Variants in CTNNBIP1 observed in about 807,000 individuals in gnomAD.
The protein encoded by CTNNBIP1 is beta-catenin-interacting protein 1.
In CTNNBIP1, 7 loss-of-function variants were observed where a neutral mutation model predicts 11.8. The ratio of observed to expected loss-of-function variants is 0.60; its 90% CI spans 0.34 to 1.12. CTNNBIP1 has a LOEUF of 1.12. Ranked by LOEUF, CTNNBIP1 falls within the 50% of genes most tolerant of loss-of-function variation. The pLI, the probability that CTNNBIP1 is intolerant of heterozygous loss-of-function variation, is 0.03. For synonymous variants in CTNNBIP1, 58 were observed against 43.9 expected, an observed-to-expected ratio of 1.32 and a Z score of -1.26; for missense variants, 101 against 113.4, an observed-to-expected ratio of 0.89 and a Z score of 0.50.
chr1:9,890,830 G>A (rs180705577), intron 1 of CTNNBIP1, among the ~76,000 whole-genome samples: 1 of 152,004 alleles, frequency 6.6e-6, no homozygotes, highest in Non-Finnish European at 1.5e-5. Context: ...ACACCAGAGA[G>A]ATCCCCAGCA....
chr1:9,905,725 C>T (rs368034514), intron 1 of CTNNBIP1, among the ~76,000 whole-genome samples: 3 of 152,042 alleles, frequency 2.0e-5, no homozygotes, highest in East Asian at 3.9e-4. Flanking sequence ...CCACCGCGCC[C>T]GGCCTCACCA....
intron 1 of CTNNBIP1, among the ~76,000 whole-genome samples, chr1:9,897,488 C>CA (rs1159909801): frequency 5.5e-5 from 8 of 145,202 alleles, no homozygotes; most frequent in African/African-American, 1.0e-4. Flanking sequence ...CAAAACAAAA[C>CA]AAAAAAAATG....
intron 5 of CTNNBIP1, among the ~76,000 whole-genome samples, chr1:9,853,609 C>G (rs1638437240): frequency 6.6e-6 from 1 of 152,240 alleles, no homozygotes; most frequent in Non-Finnish European, 1.5e-5. Context: ...GGCCAGCCCA[C>G]TGCCTCCAGG....
chr1:9,858,892 C>T (rs993595916), intron 5 of CTNNBIP1, among the ~76,000 whole-genome samples: 6 of 152,192 alleles, frequency 3.9e-5, no homozygotes, highest in African/African-American at 1.4e-4. Context: ...CCCATGCCTT[C>T]ACCCTAGAAG....
chr1:9,889,282 G>A (rs1420154023), intron 1 of CTNNBIP1, among the ~76,000 whole-genome samples: 1 of 152,242 alleles, frequency 6.6e-6, no homozygotes, highest in African/African-American at 2.4e-5. Flanking sequence ...CTCAATGGGG[G>A]CGATTCTGCC....
At chr1:9,893,949 G>A (rs1639358026) in intron 1 of CTNNBIP1, among the ~76,000 whole-genome samples, 1 of 152,184 alleles carries the variant, frequency 6.6e-6, no homozygotes, top group Non-Finnish European at 1.5e-5. Context: ...TGTACATGCT[G>A]TAAAAGGACA....
intron 5 of CTNNBIP1, among the ~76,000 whole-genome samples, chr1:9,852,984 G>A (rs57237552): frequency 0.069 from 10,486 of 152,230 alleles, 1,232 homozygotes; most frequent in African/African-American, 0.24. Flanking sequence ...CGCTCTGAGG[G>A]TGGGAAGGAA....
intron 1 of CTNNBIP1, among the ~76,000 whole-genome samples, chr1:9,905,206 C>T (rs1639593744): frequency 1.3e-5 from 2 of 152,178 alleles, no homozygotes. Flanking sequence ...CTAACCACAG[C>T]CACAAATTTG....
intron 5 of CTNNBIP1, among the ~76,000 whole-genome samples, chr1:9,863,258 A>G (rs1022305968): frequency 3.9e-5 from 6 of 152,152 alleles, no homozygotes; most frequent in Non-Finnish European, 8.8e-5. Context: ...TTTCTGTTCA[A>G]TTCAATATAT....
rs570499497 is a variant in CTNNBIP1 at position 9,868,848 on chromosome 1, C to T, written c.187+2339G>A. Among the ~76,000 whole-genome samples, 5 of 152,352 alleles carry T rather than the reference C, an allele frequency of 3.3e-5. No homozygotes were observed. The East Asian group carries it at 9.6e-4, about 29-fold the overall frequency. On this transcript the variant is annotated intron_variant, in intron 5 of 5. Transcript: ENST00000377263. ...ACAGGATGTTGCCATGTTGGCCAGG[C>T]TGGTCTTGAACTCCTGGCCTCAGGT... is the stretch of plus-strand genomic sequence containing the variant.
chr1:9,869,693 A>T (rs1434794024), intron 5 of CTNNBIP1, among the ~76,000 whole-genome samples: 2 of 152,160 alleles, frequency 1.3e-5, no homozygotes, highest in Admixed American at 6.5e-5. Context: ...TTTTCCCAAG[A>T]GTATTCAACT....
rs989277191 is a variant in CTNNBIP1, at chr1:9,883,434, T to G, written c.-110+271A>C. ...GAGCAGGGCAGGGGAGAGGTCCACC[T>G]GCCCCATCCCATGTCTACTCAGGCC... is the stretch of plus-strand genomic sequence containing the variant. On this transcript the variant is annotated intron_variant, in intron 2 of 5. Coordinates refer to ENST00000377263, the MANE Select transcript of CTNNBIP1 (RefSeq NM_020248.3). The surrounding 1 kb of genome is among the most constrained non-coding windows in gnomAD (Gnocchi z 5.6). Among the ~76,000 whole-genome samples, 1 of 152,122 alleles carries G rather than the reference T, an allele frequency of 6.6e-6. No homozygotes were observed. The highest frequency in any genetic ancestry group is 1.5e-5 in the Non-Finnish European group (1 of 68,006).
intron 5 of CTNNBIP1, among the ~76,000 whole-genome samples, chr1:9,852,620 C>T (rs998261381): frequency 9.9e-5 from 15 of 152,218 alleles, no homozygotes; most frequent in African/African-American, 3.1e-4. Context: ...ATCCCCTGCA[C>T]GGCAGCTGAG....
chr1:9,894,905 A>ATTTTT (rs1175181254), intron 1 of CTNNBIP1, among the ~76,000 whole-genome samples: 3,089 of 102,134 alleles, frequency 0.03, 419 homozygotes, highest in African/African-American at 0.12. Context: ...ATGCCTGGCT[A>ATTTTT]TTTTTTTTTT....
rs1266918922 is a variant in CTNNBIP1, at chr1:9,876,912, G to A, written c.-25+993C>T. Among the ~76,000 whole-genome samples the A allele has an allele frequency of 2.0e-5, 3 of 149,914 alleles. No individual in the cohort carries two copies. The South Asian group carries it at 6.3e-4, about 32-fold the overall frequency. ...CACAGTTCAGAGCTGCCTCTCTGTT[G>A]AAGGAAGCTTGGCTGGTCAGGAAAG... On this transcript the variant is annotated intron_variant, in intron 3 of 5. Coordinates refer to ENST00000377263, the MANE Select transcript of CTNNBIP1 (RefSeq NM_020248.3).
intron 3 of CTNNBIP1, among the ~76,000 whole-genome samples, chr1:9,875,133 C>T (rs1260161122): frequency 6.6e-6 from 1 of 152,218 alleles, no homozygotes; most frequent in Non-Finnish European, 1.5e-5. Context: ...CCGGTTCGAG[C>T]CGACCAGTCC....
chr1:9,894,896 T>G (rs535255348), intron 1 of CTNNBIP1, among the ~76,000 whole-genome samples: 3 of 144,934 alleles, frequency 2.1e-5, no homozygotes, highest in African/African-American at 5.3e-5. Context: ...GTGACTGCCA[T>G]GCCTGGCTAT....
intron 1 of CTNNBIP1, among the ~76,000 whole-genome samples, chr1:9,903,321 C>T (rs1557768472): frequency 2.0e-5 from 3 of 152,228 alleles, no homozygotes; most frequent in African/African-American, 7.2e-5. Flanking sequence ...ATTGGGGGTC[C>T]TCAATCATGT....
At chr1:9,886,737 C>T (rs578044468) in intron 1 of CTNNBIP1, among the ~76,000 whole-genome samples, 104 of 152,220 alleles carry the variant, frequency 6.8e-4, no homozygotes, top group African/African-American at 2.4e-3. Flanking sequence ...TCTGAGCCAG[C>T]GAGGGGGACG....
Sources: gnomAD v4.1 joint callset for allele counts (sites outside exome capture counted in the v4.1 genomes callset) on GRCh38, gnomAD v4.1.1 for gene constraint, Gnocchi (gnomAD v3.1) non-coding constraint, MANE v1.5 for transcripts, NCBI Gene and HGNC (gene_info 2026-07-23, HGNC 2026-07-21) for gene names.